Variants in CDYL observed in about 807,000 individuals in gnomAD.
The protein encoded by CDYL is chromodomain Y-like protein.
Under a neutral mutation model 47.3 loss-of-function variants are expected in CDYL, and 8 were observed. The ratio of observed to expected loss-of-function variants is 0.17; its 90% confidence interval spans 0.10 to 0.31. The LOEUF (loss-of-function observed/expected upper bound fraction) is 0.31. Ranked by LOEUF, CDYL falls within the 10% of genes least tolerant of loss-of-function variation. The pLI, the probability that CDYL is intolerant of heterozygous loss-of-function variation, is 1.00. For synonymous variants in CDYL, 266 were observed against 265.0 expected, an observed-to-expected ratio of 1.00 and a Z score of -0.04; for missense variants, 471 against 701.4, an observed-to-expected ratio of 0.67 and a Z score of 3.71.
At chr6:4,852,974 GAGA>G (rs758340908) in intron 1 of CDYL, among the ~76,000 whole-genome samples, 60 of 152,144 alleles carry the variant, frequency 3.9e-4, no homozygotes, top group Non-Finnish European at 6.9e-4. Context: ...ATTCTTTGTA[GAGA>G]AGAAGTCTTG....
At chr6:4,779,512 T>C (rs1758554452) in intron 1 of CDYL, among the ~76,000 whole-genome samples, 1 of 152,168 alleles carries the variant, frequency 6.6e-6, no homozygotes, top group Non-Finnish European at 1.5e-5. Flanking sequence ...CTTTAGTAAA[T>C]GTTTAAATGG....
intron 1 of CDYL, among the ~76,000 whole-genome samples, chr6:4,832,340 GT>G (rs1760170934): frequency 6.6e-6 from 1 of 151,752 alleles, no homozygotes; most frequent in South Asian, 2.1e-4. Context: ...TAATCATGTG[GT>G]TTTTGTCTTT....
chr6:4,753,459 T>G (rs1758029509), intron 3 of CDYL, among the ~76,000 whole-genome samples: 1 of 152,182 alleles, frequency 6.6e-6, no homozygotes, highest in Non-Finnish European at 1.5e-5. Context: ...AGCAAAATAC[T>G]GATTTTTGAG....
At chr6:4,748,813 T>C (rs1387831559) in intron 3 of CDYL, among the ~76,000 whole-genome samples, 1 of 152,206 alleles carries the variant, frequency 6.6e-6, no homozygotes, top group East Asian at 1.9e-4. Context: ...TAATTATTCA[T>C]CTCTAAAGGC....
At chr6:4,778,685 AAG>A (rs1406559855) in intron 1 of CDYL, among the ~76,000 whole-genome samples, 13 of 152,230 alleles carry the variant, frequency 8.5e-5, no homozygotes, top group African/African-American at 3.1e-4. Flanking sequence ...TTTGGAAAAA[AAG>A]GTATTATAGA....
chr6:4,816,078 C>T (rs1759668235), intron 1 of CDYL, among the ~76,000 whole-genome samples: 2 of 151,416 alleles, frequency 1.3e-5, no homozygotes, highest in South Asian at 4.2e-4. Context: ...CCAGTTGCCC[C>T]AATAGTTTAT....
upstream of CDYL, among the ~76,000 whole-genome samples, chr6:4,772,151 G>A (rs979922705): frequency 1.3e-5 from 2 of 152,190 alleles, no homozygotes; most frequent in African/African-American, 4.8e-5. Flanking sequence ...ATGAGCTCCG[G>A]CCAGTGATGG....
chr6:4,766,086 A>T (rs1203997826), intron 3 of CDYL, among the ~76,000 whole-genome samples: 1 of 152,240 alleles, frequency 6.6e-6, no homozygotes, highest in Non-Finnish European at 1.5e-5. Context: ...TGGGAATATT[A>T]TTAGAGATCC....
At chr6:4,722,694 T>C (rs746164418) in intron 2 of CDYL, among the ~76,000 whole-genome samples, 6 of 152,126 alleles carry the variant, frequency 3.9e-5, no homozygotes, top group Non-Finnish European at 7.4e-5. Context: ...CTGACCAACG[T>C]GGTGAAACTC....
chr6:4,899,645 C>T (rs186815083), intron 2 of CDYL, among the ~76,000 whole-genome samples: 55 of 152,314 alleles, frequency 3.6e-4, no homozygotes, highest in African/African-American at 1.3e-3. Context: ...AATACCTTTA[C>T]AGACAGGAAT....
At chr6:4,945,310 C>T (rs910965053) in intron 5 of CDYL, among the ~76,000 whole-genome samples, 1 of 152,168 alleles carries the variant, frequency 6.6e-6, no homozygotes, top group African/African-American at 2.4e-5. Context: ...CTTCCTGCAT[C>T]TAAACGTACT....
intron 1 of CDYL, among the ~76,000 whole-genome samples, chr6:4,854,877 AT>A (rs1467661610): frequency 6.6e-6 from 1 of 152,198 alleles, no homozygotes; most frequent in African/African-American, 2.4e-5. Context: ...GTTAGGTAAG[AT>A]TAAAGGAAGA....
At chr6:4,724,049 G>C (rs1315094289) in intron 2 of CDYL, among the ~76,000 whole-genome samples, 1 of 151,764 alleles carries the variant, frequency 6.6e-6, no homozygotes, top group Admixed American at 6.6e-5. Flanking sequence ...CTCACTTTTT[G>C]TGCGCGTTTG....
chr6:4,934,840 C>G (rs547289782), intron 2 of CDYL, among the ~76,000 whole-genome samples: 19 of 152,228 alleles, frequency 1.2e-4, no homozygotes, highest in African/African-American at 4.6e-4. Context: ...CTGTGACATA[C>G]GAGGGAACGT....
chr6:4,937,098 T>G (rs527811903), intron 3 of CDYL, among the ~76,000 whole-genome samples: 1 of 152,328 alleles, frequency 6.6e-6, no homozygotes, highest in East Asian at 1.9e-4. Context: ...GGCTAATGCA[T>G]GTAATCCCAG....
intron 1 of CDYL, among the ~76,000 whole-genome samples, chr6:4,874,594 T>TA (rs1761568530): frequency 6.6e-6 from 1 of 152,232 alleles, no homozygotes; most frequent in East Asian, 1.9e-4. Context: ...AGATATGGCT[T>TA]ACGTACAGTA....
intron 2 of CDYL, among the ~76,000 whole-genome samples, chr6:4,929,992 T>C (rs901573531): frequency 3.3e-5 from 5 of 152,208 alleles, no homozygotes; most frequent in Non-Finnish European, 4.4e-5. Context: ...GTTAGTTGTA[T>C]ATCAGTTTGA....
intron 1 of CDYL, among the ~76,000 whole-genome samples, chr6:4,826,831 CTAGTTGGTT>C (rs1298218583): frequency 5.9e-5 from 9 of 152,202 alleles, no homozygotes; most frequent in African/African-American, 2.2e-4. Flanking sequence ...AGTGTTAGGT[CTAGTTGGTT>C]TATAGTGTTG....
intron 1 of CDYL, among the ~76,000 whole-genome samples, chr6:4,861,836 C>T (rs915184056): frequency 1.3e-5 from 2 of 152,100 alleles, no homozygotes; most frequent in African/African-American, 2.4e-5. Context: ...TTTGACTTCT[C>T]CACTCAGCAA....
Sources: gnomAD v4.1 joint callset for allele counts (sites outside exome capture counted in the v4.1 genomes callset) on GRCh38, gnomAD v4.1.1 for gene constraint, MANE v1.5 for transcripts, NCBI Gene and HGNC (gene_info 2026-07-23, HGNC 2026-07-21) for gene names.